Variants in GALNT18 observed in about 807,000 individuals in gnomAD.
GALNT18 encodes GalNAc-transferase 18.
A neutral mutation model predicts 69.5 loss-of-function variants in GALNT18; 44 were observed. The observed-to-expected ratio is 0.63, with a 90% CI of 0.50 to 0.81. GALNT18 has a LOEUF of 0.81. Among genes scored for constraint, GALNT18 ranks in the 40% least tolerant of loss-of-function variants. The pLI is 0.00. For missense variants in GALNT18, 715 were observed against 810.0 expected (o/e 0.88, Z 1.42); for synonymous variants, 364 against 318.2 (o/e 1.14, Z -1.53).
At chr11:11,310,846 A>G (rs1029816703) in intron 9 of GALNT18, among the ~76,000 whole-genome samples, 5 of 152,226 alleles carry the variant, frequency 3.3e-5, no homozygotes, top group Admixed American at 2.0e-4. Context: ...ATAAGAATCC[A>G]TTTATGCCCG....
chr11:11,367,586 C>T lies in GALNT18; in HGVS notation c.1092+4929G>A, dbSNP rs187230294. Among the ~76,000 whole-genome samples, 702 of 152,282 alleles carry T rather than the reference C, an allele frequency of 4.6e-3. 2 individuals are homozygous for T. Among genetic ancestry groups the T allele is most frequent in the Non-Finnish European group, 7.6e-3 (519 of 68,028 alleles). Reference sequence around the variant, plus strand: ...CTTTTCTCTGGTTGCCTGCTCTGGACACCACGGTGGGGCACTGGCTGTGGT... The same window carrying T: ...CTTTTCTCTGGTTGCCTGCTCTGGATACCACGGTGGGGCACTGGCTGTGGT... On this transcript the variant is annotated intron_variant, in intron 6 of 10. Transcript: ENST00000227756.
At chr11:11,578,631 C>T (rs1858989778) in intron 1 of GALNT18, among the ~76,000 whole-genome samples, 1 of 152,208 alleles carries the variant, frequency 6.6e-6, no homozygotes, top group Non-Finnish European at 1.5e-5. Context: ...AAGGCATCTT[C>T]ATAAGAGACC....
chr11:11,442,856 C>T (rs1368124837), intron 2 of GALNT18, among the ~76,000 whole-genome samples: 1 of 152,220 alleles, frequency 6.6e-6, no homozygotes, highest in Non-Finnish European at 1.5e-5. Flanking sequence ...GGACATGGGC[C>T]TCAGGGGACA....
At chr11:11,370,447 C>A (rs1850874078) in intron 6 of GALNT18, among the ~76,000 whole-genome samples, 1 of 152,212 alleles carries the variant, frequency 6.6e-6, no homozygotes, top group Admixed American at 6.5e-5. Context: ...AAAGGGGGAA[C>A]TGAAATTCAA....
intron 1 of GALNT18, among the ~76,000 whole-genome samples, chr11:11,458,321 C>G (rs974041556): frequency 6.6e-6 from 1 of 152,208 alleles, no homozygotes; most frequent in Admixed American, 6.5e-5. Context: ...TTCCACTCCT[C>G]ATTTTAAAAG....
chr11:11,365,320 G>A (rs976973535), intron 6 of GALNT18, among the ~76,000 whole-genome samples: 3 of 152,080 alleles, frequency 2.0e-5, no homozygotes, highest in Admixed American at 6.6e-5. Flanking sequence ...CACAAAGGAC[G>A]GGTTCTCATT....
chr11:11,565,587 T>G (rs1858628843), intron 1 of GALNT18, among the ~76,000 whole-genome samples: 1 of 152,204 alleles, frequency 6.6e-6, no homozygotes, highest in Non-Finnish European at 1.5e-5. Flanking sequence ...GAGGAGCCCC[T>G]GCACCATGGA....
At chr11:11,272,724 C>T (rs1159409347) in intron 10 of GALNT18, among the ~76,000 whole-genome samples, 1 of 151,790 alleles carries the variant, frequency 6.6e-6, no homozygotes, top group African/African-American at 2.4e-5. Flanking sequence ...CAGGAAGTCT[C>T]TACTGCCCAC....
rs187876501 is a variant in GALNT18, at chr11:11,579,685, T to C, written c.235+41674A>G. Among the ~76,000 whole-genome samples, 18 of 152,342 alleles carry C rather than the reference T, an allele frequency of 1.2e-4. No individual in the cohort carries two copies. The East Asian group carries it at 2.9e-3, about 25-fold the overall frequency. On this transcript the variant is annotated intron_variant, in intron 1 of 10. Transcript: ENST00000227756. ...AAAGAGCAGGTACGATTAAGATTAA[T>C]TGATAACCTGTCTCTTTCTGAATAA...
chr11:11,299,393 G>T (rs1429822392), intron 9 of GALNT18, among the ~76,000 whole-genome samples: 1 of 152,130 alleles, frequency 6.6e-6, no homozygotes, highest in Non-Finnish European at 1.5e-5. Flanking sequence ...TGAACTGCTC[G>T]CCTCGGCCTC....
In GALNT18 at chr11:11,332,951, T is replaced by C. The variant is rs775777866; in HGVS notation, c.1279-120A>G. 1.7e-5 allele frequency: 18 copies of C among 1,070,542 alleles called. No homozygotes were observed. Among genetic ancestry groups the C allele is most frequent in the Non-Finnish European group, 2.3e-5 (17 of 726,128 alleles). 66.3% of individuals were successfully genotyped at this position (1,070,542 alleles called of 1,614,324 possible). On this transcript the variant is annotated intron_variant, in intron 7 of 10. Transcript: ENST00000227756. The surrounding 1 kb of genome is among the most constrained non-coding windows in gnomAD (Gnocchi z 4.3). ...TTCCTAGAGACTGGGGAAGGGACCATGTGGCACGTTAACTCTTGCATTTTC... is the reference window on the plus strand; with the variant it reads ...TTCCTAGAGACTGGGGAAGGGACCACGTGGCACGTTAACTCTTGCATTTTC...
intron 9 of GALNT18, among the ~76,000 whole-genome samples, chr11:11,319,837 C>G (rs767686713): frequency 6.6e-6 from 1 of 152,194 alleles, no homozygotes; most frequent in Non-Finnish European, 1.5e-5. Context: ...AATTCCTACT[C>G]TATTAACTCA....
In GALNT18 at chr11:11,372,423, A is replaced by G; in HGVS notation, c.1092+92T>C. On this transcript the variant is annotated intron_variant, in intron 6 of 10. Transcript: ENST00000227756. The surrounding 1 kb of genome is among the most constrained non-coding windows in gnomAD (Gnocchi z 4.9). ...ACTGGACATTCAGAATCAGTCTGTG[A>G]CCCTCAACCTTAAACCCCATTTCTC... 1 of 924,976 alleles carries G rather than the reference A, an allele frequency of 1.1e-6. No individual in the cohort carries two copies. The highest frequency in any genetic ancestry group is 1.8e-6 in the Non-Finnish European group (1 of 571,242). The allele number at this position is 924,976 out of a possible 1,614,324, so 57.3% of individuals were successfully genotyped here. A position where few individuals can be genotyped will look rare whatever the true frequency, so the allele number is the denominator to read the frequency against.
intron 1 of GALNT18, among the ~76,000 whole-genome samples, chr11:11,492,370 G>A (rs1856788484): frequency 6.6e-6 from 1 of 152,136 alleles, no homozygotes. Context: ...CAATAACACT[G>A]CCATAGAAGC....
intron 1 of GALNT18, among the ~76,000 whole-genome samples, chr11:11,517,562 C>A (rs1857308630): frequency 6.6e-6 from 1 of 152,148 alleles, no homozygotes; most frequent in South Asian, 2.1e-4. Context: ...ACTAAAGAGA[C>A]CCTCACATTT....
At chr11:11,292,934 C>T (rs950879412) in intron 10 of GALNT18, 95 bp downstream of exon 10, 4 of 1,173,794 alleles carry the variant, frequency 3.4e-6, no homozygotes, top group Non-Finnish European at 4.5e-6. Flanking sequence ...CTCTCCTTCC[C>T]CTTCCCCTCT....
At chr11:11,440,265 C>T (rs1468759749) in intron 2 of GALNT18, among the ~76,000 whole-genome samples, 4 of 152,182 alleles carry the variant, frequency 2.6e-5, no homozygotes, top group Non-Finnish European at 5.9e-5. Flanking sequence ...CCATTTGTCC[C>T]TAAGACATCT....
At chr11:11,284,012 C>G (rs769447658) in intron 10 of GALNT18, among the ~76,000 whole-genome samples, 3 of 151,748 alleles carry the variant, frequency 2.0e-5, no homozygotes, top group Non-Finnish European at 4.4e-5. Flanking sequence ...AAGCAAAGAA[C>G]GTAGGACTCT....
At position 11,617,393 on chromosome 11, in the gene GALNT18, A is replaced by T. The variant is rs1184743528; in HGVS notation, c.235+3966T>A. ...CTCTAGTATACAGTTCACCACTGTAATCACTTTCTCAGTGCAGTGTCTGGC... is the reference window on the plus strand; with the variant it reads ...CTCTAGTATACAGTTCACCACTGTATTCACTTTCTCAGTGCAGTGTCTGGC... On this transcript the variant is annotated intron_variant, in intron 1 of 10. Transcript: ENST00000227756. This position sits in a 1 kb window ranked among gnomAD's most constrained non-coding sequence, Gnocchi z 4.7. 1.3e-5 allele frequency among the ~76,000 whole-genome samples: 2 copies of T among 152,232 alleles called. No individual in the cohort carries two copies. The highest frequency in any genetic ancestry group is 1.3e-4 in the Admixed American group (2 of 15,286).
Sources: gnomAD v4.1 joint callset for allele counts (sites outside exome capture counted in the v4.1 genomes callset) on GRCh38, gnomAD v4.1.1 for gene constraint, Gnocchi (gnomAD v3.1) non-coding constraint, MANE v1.5 for transcripts, NCBI Gene and HGNC (gene_info 2026-07-23, HGNC 2026-07-21) for gene names.